Variants in SV2C observed in about 807,000 individuals in gnomAD.
SV2C encodes the protein solute carrier family 22 member B3.
In SV2C, 49 loss-of-function variants were observed where a neutral mutation model predicts 79.7. The observed-to-expected ratio is 0.61, with a 90% CI of 0.49 to 0.78. The LOEUF is 0.78. Ranked by LOEUF, SV2C falls within the 30% of genes least tolerant of loss-of-function variation. The pLI, the probability that SV2C is intolerant of heterozygous loss-of-function variation, is 0.00. For missense variants in SV2C, 833 were observed against 912.9 expected, an observed-to-expected ratio of 0.91 and a Z score of 1.13; for synonymous variants, 334 against 333.2, an observed-to-expected ratio of 1.00 and a Z score of -0.03.
At chr5:76,237,454 T>G (rs1373338873) in intron 4 of SV2C, among the ~76,000 whole-genome samples, 1 of 152,202 alleles carries the variant, frequency 6.6e-6, no homozygotes, top group African/African-American at 2.4e-5. Context: ...TTCTTGGTCC[T>G]TCCGTTTCTT....
chr5:76,136,248 C>G (rs977293947), intron 2 of SV2C, among the ~76,000 whole-genome samples: 3 of 152,192 alleles, frequency 2.0e-5, no homozygotes, highest in African/African-American at 7.2e-5. Context: ...ACCCCTAATT[C>G]CCGTATGCAT....
intron 4 of SV2C, among the ~76,000 whole-genome samples, chr5:76,272,692 G>A (rs748198857): frequency 6.6e-5 from 10 of 152,140 alleles, no homozygotes; most frequent in Non-Finnish European, 1.5e-4. Flanking sequence ...GCCTTATCTG[G>A]TAGAGACACA....
the SV2C span, among the ~76,000 whole-genome samples, chr5:76,030,266 G>GGTTTTTTTTTTTTTTTTTTTTTTTTT: frequency 1.9e-4 from 6 of 31,976 alleles, no homozygotes; most frequent in African/African-American, 8.8e-4. Flanking sequence ...TCAGAGGCTT[G>GGTTTTTTTTTTTTTTTTTTTTTTTTT]TTTTTTTTTT....
At chr5:75,966,255 A>G in the SV2C span, among the ~76,000 whole-genome samples, 2 of 152,230 alleles carry the variant, frequency 1.3e-5, no homozygotes, top group Non-Finnish European at 2.9e-5. Context: ...TTTCTTTGGA[A>G]TATCTTATTA....
the SV2C span, among the ~76,000 whole-genome samples, chr5:76,009,986 A>ATTTTTTT: frequency 1.0e-5 from 1 of 100,008 alleles, no homozygotes; most frequent in African/African-American, 3.9e-5. Flanking sequence ...TTACTTATCT[A>ATTTTTTT]TTTTGTTTTT....
chr5:76,312,821 G>A (rs995269480), intron 12 of SV2C, among the ~76,000 whole-genome samples: 1 of 152,196 alleles, frequency 6.6e-6, no homozygotes, highest in Non-Finnish European at 1.5e-5. Flanking sequence ...GTTCACACCT[G>A]CCGATCCCTG....
At chr5:75,998,910 A>G in the SV2C span, among the ~76,000 whole-genome samples, 1 of 152,018 alleles carries the variant, frequency 6.6e-6, no homozygotes, top group Admixed American at 6.6e-5. Flanking sequence ...GTCCATTTTC[A>G]TGCTGCTGAT....
chr5:76,038,118 A>G, the SV2C span, among the ~76,000 whole-genome samples: 1 of 152,180 alleles, frequency 6.6e-6, no homozygotes, highest in Non-Finnish European at 1.5e-5. Flanking sequence ...CGGTGCGTGC[A>G]CCCACTGACC....
At chr5:76,300,587 CA>C (rs1747955673) in intron 10 of SV2C, 141 bp from the exon 11 acceptor site, 3 of 783,546 alleles carry the variant, frequency 3.8e-6, no homozygotes, top group Admixed American at 2.8e-5. Context: ...CCAGAAGACC[CA>C]AAAAGTCAAG....
At chr5:76,115,659 A>C (rs1048710178) in intron 1 of SV2C, among the ~76,000 whole-genome samples, 2 of 152,246 alleles carry the variant, frequency 1.3e-5, no homozygotes, top group African/African-American at 4.8e-5. Flanking sequence ...GGATAATGAG[A>C]TCTAGTAAAA....
At chr5:76,254,222 G>GTA (rs1353005025) in intron 4 of SV2C, among the ~76,000 whole-genome samples, 3 of 129,750 alleles carry the variant, frequency 2.3e-5, no homozygotes, top group South Asian at 2.4e-4. Flanking sequence ...ATATGTGTGT[G>GTA]TATATATATG....
the SV2C span, among the ~76,000 whole-genome samples, chr5:76,037,500 C>T: frequency 3.9e-5 from 6 of 152,070 alleles, no homozygotes; most frequent in Non-Finnish European, 5.9e-5. Flanking sequence ...TTGGAGTACC[C>T]GGCCGTGTGA....
At chr5:76,009,991 G>GTTTTTTTTTTTTT in the SV2C span, among the ~76,000 whole-genome samples, 2 of 112,640 alleles carry the variant, frequency 1.8e-5, no homozygotes, top group African/African-American at 3.5e-5. Context: ...TATCTATTTT[G>GTTTTTTTTTTTTT]TTTTTTTTTT....
intron 6 of SV2C, among the ~76,000 whole-genome samples, chr5:76,289,733 T>G (rs1747489275): frequency 6.6e-6 from 1 of 152,174 alleles, no homozygotes; most frequent in Non-Finnish European, 1.5e-5. Context: ...CCCTCCTAAC[T>G]CTGGACATTT....
intron 4 of SV2C, among the ~76,000 whole-genome samples, chr5:76,219,394 G>A (rs1745002112): frequency 6.6e-6 from 1 of 152,164 alleles, no homozygotes; most frequent in African/African-American, 2.4e-5. Flanking sequence ...ATAATAAGAT[G>A]CATCAGTCAA....
chr5:76,073,503 G>GTGTATATATATATATATA, the SV2C span, among the ~76,000 whole-genome samples: 1 of 67,410 alleles, frequency 1.5e-5, no homozygotes, highest in African/African-American at 6.6e-5. Context: ...GTATGTGTGT[G>GTGTATATATATATATATA]TATATATATA....
At chr5:75,903,307 A>G in the SV2C span, among the ~76,000 whole-genome samples, 1 of 152,064 alleles carries the variant, frequency 6.6e-6, no homozygotes, top group African/African-American at 2.4e-5. Context: ...GTCCAAGATT[A>G]TGAAAGGTGA....
At chr5:76,273,927 G>C (rs1456074220) in intron 4 of SV2C, among the ~76,000 whole-genome samples, 1 of 152,184 alleles carries the variant, frequency 6.6e-6, no homozygotes, top group Non-Finnish European at 1.5e-5. Flanking sequence ...AGCCCCAAGG[G>C]TCCAAGATTA....
chr5:76,025,566 GTA>G, the SV2C span, among the ~76,000 whole-genome samples: 1 of 152,142 alleles, frequency 6.6e-6, no homozygotes, highest in East Asian at 1.9e-4. Context: ...TGTGCTAAAA[GTA>G]TATGTTTTTG....
Sources: allele counts gnomAD v4.1 joint callset (sites outside exome capture counted in the v4.1 genomes callset), GRCh38; gene constraint gnomAD v4.1.1; transcripts MANE v1.5; gene names NCBI Gene and HGNC (gene_info 2026-07-23, HGNC 2026-07-21).